SDK2: variants seen among roughly 807,000 people sequenced by gnomAD.
SDK2 encodes protein sidekick-2.
Under a neutral mutation model 253.9 loss-of-function variants are expected in SDK2, and 105 were observed. The ratio of observed to expected loss-of-function variants is 0.41; its 90% confidence interval spans 0.35 to 0.49. The LOEUF (loss-of-function observed/expected upper bound fraction) is 0.49, where lower values mean the gene tolerates loss of function less well. Ranked by LOEUF, SDK2 falls within the 20% of genes least tolerant of loss-of-function variation. SDK2 has a pLI of 0.06. For synonymous variants in SDK2, 1,249 were observed against 1,234.9 expected (o/e 1.01, Z -0.24); for missense variants, 2,608 against 3,003.0 (o/e 0.87, Z 3.07).
chr17:73,375,453 C>T (rs905147967), intron 36 of SDK2, among the ~76,000 whole-genome samples: 3 of 151,814 alleles, frequency 2.0e-5, no homozygotes, highest in African/African-American at 7.3e-5. Context: ...TACCATGTTG[C>T]CCAGGCTGGT....
chr17:73,575,218 G>T (rs11867799), intron 1 of SDK2, among the ~76,000 whole-genome samples: 43,139 of 152,056 alleles, frequency 0.28, 6,299 homozygotes, highest in South Asian at 0.41. Context: ...AATGACACCT[G>T]CATCGGGAAG....
At chr17:73,566,971 C>CT (rs1201769541) in intron 1 of SDK2, among the ~76,000 whole-genome samples, 2 of 151,836 alleles carry the variant, frequency 1.3e-5, no homozygotes, top group Non-Finnish European at 2.9e-5. Flanking sequence ...ACCCAAGGCA[C>CT]TTGTAAGATA....
chr17:73,448,904 GCCTGCCTT>G (rs2145647028), intron 4 of SDK2, among the ~76,000 whole-genome samples: 1 of 152,222 alleles, frequency 6.6e-6, no homozygotes, highest in African/African-American at 2.4e-5. Context: ...CAAGTGATCT[GCCTGCCTT>G]GGCCTCTCAA....
At chr17:73,576,992 G>A (rs1349971532) in intron 1 of SDK2, among the ~76,000 whole-genome samples, 2 of 152,178 alleles carry the variant, frequency 1.3e-5, no homozygotes, top group East Asian at 3.8e-4. Context: ...CGTGGGAGTG[G>A]CCCTGCTGCC....
chr17:73,474,234 T>G (rs1038233299), intron 2 of SDK2, among the ~76,000 whole-genome samples: 3 of 152,172 alleles, frequency 2.0e-5, no homozygotes, highest in African/African-American at 7.2e-5. Flanking sequence ...ATGAGGACAG[T>G]TGCAAACTGT....
rs768265358 is a variant in SDK2 at position 73,422,265 on chromosome 17, T to C, written c.2045+22A>G. 6 of 1,612,790 alleles carry C rather than the reference T, an allele frequency of 3.7e-6. No individual in the cohort carries two copies. In the South Asian group the frequency reaches 5.5e-5, roughly 15 times the overall value. ...CCTGTTGGAGTCCTGGCGACGCCCC[T>C]GTAGAGCGCCAGTGCCCTCACCTCT... On this transcript the variant is annotated intron_variant, in intron 15 of 44. Transcript: ENST00000392650.
intron 1 of SDK2, among the ~76,000 whole-genome samples, chr17:73,584,029 G>A (rs760338096): frequency 2.6e-5 from 4 of 152,194 alleles, no homozygotes; most frequent in East Asian, 1.9e-4. Flanking sequence ...GTGGGATGTC[G>A]GCTCTTGGCA....
chr17:73,551,250 G>A (rs34036064), intron 1 of SDK2, among the ~76,000 whole-genome samples: 4,182 of 152,242 alleles, frequency 0.027, 91 homozygotes, highest in Non-Finnish European at 0.043. Context: ...TGGTGCCTTC[G>A]TGATAAATGC....
Position 73,455,894 on chromosome 17 carries a change from C to CGAT in SDK2, c.479+9_479+11dup, listed in dbSNP as rs1567783182. 1 of 1,539,058 alleles carries CGAT rather than the reference C, an allele frequency of 6.5e-7. No homozygotes were observed. The highest frequency in any genetic ancestry group is 2.5e-5 in the East Asian group (1 of 40,690). The stretch of plus-strand genomic sequence containing the variant: ...CCCTCCCCTCCCCGTCCCCTCAGAG[C>CGAT]GATGCACTCACATGCGGCTGCTGGG... On this transcript the variant is annotated intron_variant, in intron 4 of 44. Coordinates refer to ENST00000392650, the MANE Select transcript of SDK2 (RefSeq NM_001144952.2). This position sits in a 1 kb window ranked among gnomAD's most constrained non-coding sequence, Gnocchi z 5.0.
intron 13 of SDK2, 75 bp from the exon 14 acceptor site, chr17:73,423,597 T>G: frequency 1.4e-6 from 2 of 1,422,392 alleles, no homozygotes; most frequent in Non-Finnish European, 1.9e-6. Context: ...GGACACAGGT[T>G]GTGTAGGCCT....
At chr17:73,424,136 A>G (rs546893353) in intron 12 of SDK2, 44 bp from the exon 13 acceptor site, 144 of 1,544,440 alleles carry the variant, frequency 9.3e-5, no homozygotes, top group Non-Finnish European at 1.2e-4. Flanking sequence ...AGAGGAAGGT[A>G]CCTTGGGAGT....
intron 1 of SDK2, among the ~76,000 whole-genome samples, chr17:73,623,994 A>G (rs1460013379): frequency 6.6e-6 from 1 of 152,204 alleles, no homozygotes; most frequent in Non-Finnish European, 1.5e-5. Flanking sequence ...TTGTTTTTCC[A>G]GGAGGAGGAC....
At chr17:73,604,741 T>C (rs1353971505) in intron 1 of SDK2, among the ~76,000 whole-genome samples, 3 of 151,926 alleles carry the variant, frequency 2.0e-5, no homozygotes, top group African/African-American at 7.3e-5. Flanking sequence ...GGTATAGAAA[T>C]GAGGAGGCTC....
intron 1 of SDK2, among the ~76,000 whole-genome samples, chr17:73,598,511 C>G (rs1210851368): frequency 6.6e-6 from 1 of 152,186 alleles, no homozygotes; most frequent in Admixed American, 6.5e-5. Context: ...CCCCTCTGCC[C>G]GGCTCTCGTT....
chr17:73,368,149 C>T (rs924859065), intron 37 of SDK2, among the ~76,000 whole-genome samples: 1 of 151,988 alleles, frequency 6.6e-6, no homozygotes, highest in Non-Finnish European at 1.5e-5. Flanking sequence ...TGTCCGTCTG[C>T]AAGGCGGGGC....
intron 1 of SDK2, among the ~76,000 whole-genome samples, chr17:73,595,828 G>T (rs766500489): frequency 6.6e-6 from 1 of 152,208 alleles, no homozygotes; most frequent in Non-Finnish European, 1.5e-5. Context: ...AGGCAGCCAG[G>T]GGGGCTGAGA....
intron 1 of SDK2, among the ~76,000 whole-genome samples, chr17:73,593,152 C>T (rs1231474321): frequency 6.6e-6 from 1 of 152,134 alleles, no homozygotes; most frequent in Admixed American, 6.5e-5. Context: ...CCTCGACAGG[C>T]TGGGTACCCC....
chr17:73,476,341 C>T (rs2063685802), intron 2 of SDK2, among the ~76,000 whole-genome samples: 1 of 152,196 alleles, frequency 6.6e-6, no homozygotes, highest in African/African-American at 2.4e-5. Context: ...ACGGATACTC[C>T]AGAATGTGTT....
intron 1 of SDK2, among the ~76,000 whole-genome samples, chr17:73,533,116 G>A (rs895200022): frequency 3.3e-5 from 5 of 152,242 alleles, no homozygotes; most frequent in African/African-American, 9.6e-5. Context: ...ATGCCCCTAC[G>A]GGACGCAGGC....
Sources: gnomAD v4.1 joint callset for allele counts (sites outside exome capture counted in the v4.1 genomes callset) on GRCh38, gnomAD v4.1.1 for gene constraint, Gnocchi (gnomAD v3.1) non-coding constraint, MANE v1.5 for transcripts, NCBI Gene and HGNC (gene_info 2026-07-23, HGNC 2026-07-21) for gene names.